The following PKD1L1 variants were observed in gnomAD, a reference collection of about 807,000 sequenced individuals.
PKD1L1 encodes polycystin-1-like protein 1.
Under a neutral mutation model 323.4 loss-of-function variants are expected in PKD1L1, and 236 were observed. The observed-to-expected ratio is 0.73, with a 90% CI of 0.66 to 0.81. The LOEUF (loss-of-function observed/expected upper bound fraction) is 0.81, where lower values mean the gene tolerates loss of function less well. Ranked by LOEUF, PKD1L1 falls within the 40% of genes least tolerant of loss-of-function variation. The pLI is 0.00. For missense variants in PKD1L1, 3,320 were observed against 3,508.0 expected (o/e 0.95, Z 1.35); for synonymous variants, 1,344 against 1,335.0 (o/e 1.01, Z -0.15).
chr7:47,901,197 G>A (rs538655107), intron 13 of PKD1L1, among the ~76,000 whole-genome samples: 3 of 151,838 alleles, frequency 2.0e-5, no homozygotes, highest in African/African-American at 4.8e-5. Context: ...AATTAGCTAC[G>A]CATGGTGGTG....
chr7:47,781,628 C>T (rs1382143384), intron 56 of PKD1L1, among the ~76,000 whole-genome samples: 1 of 151,822 alleles, frequency 6.6e-6, no homozygotes. Context: ...CCAGGATGGT[C>T]TCGATTTCCT....
chr7:47,960,796 T>C, the PKD1L1 span, among the ~76,000 whole-genome samples: 1 of 150,704 alleles, frequency 6.6e-6, no homozygotes. Context: ...CACTAATCAT[T>C]AAGAAAATGA....
At chr7:47,802,285 C>T (rs1466114594) in intron 53 of PKD1L1, among the ~76,000 whole-genome samples, 1 of 151,552 alleles carries the variant, frequency 6.6e-6, no homozygotes, top group African/African-American at 2.4e-5. Context: ...TGCATATAAT[C>T]TCAAAGGCCA....
At chr7:47,834,657 T>C (rs1048747289) in intron 39 of PKD1L1, among the ~76,000 whole-genome samples, 1 of 152,002 alleles carries the variant, frequency 6.6e-6, no homozygotes, top group Non-Finnish European at 1.5e-5. Context: ...ATTAATAAAA[T>C]AAATGGCACT....
chr7:47,890,248 A>G (rs4427076), intron 16 of PKD1L1, among the ~76,000 whole-genome samples: 6,991 of 152,220 alleles, frequency 0.046, 386 homozygotes, highest in African/African-American at 0.14. Flanking sequence ...CCGATCTTTC[A>G]GGCAGGTGCT....
At chr7:47,779,472 C>A (rs1786641625) in intron 56 of PKD1L1, among the ~76,000 whole-genome samples, 1 of 152,198 alleles carries the variant, frequency 6.6e-6, no homozygotes, top group South Asian at 2.1e-4. Context: ...ATAACTCAGG[C>A]TCAGCTCCTG....
chr7:47,836,854 T>C, intron 37 of PKD1L1, 67 bp downstream of exon 37: 1 of 1,514,678 alleles, frequency 6.6e-7, no homozygotes, highest in Non-Finnish European at 9.0e-7. Context: ...GTTGATTTCT[T>C]AGGCAAAAAG....
chr7:47,929,308 G>T lies in PKD1L1; in HGVS notation c.956C>A (p.Ala319Asp), dbSNP rs548298731. The change falls in exon 7 of 57, where the codon GCT becomes GAT. Residue 319 changes from alanine to aspartate, a missense_variant. Ala to Asp is a moderately radical substitution (Grantham distance 126). Coordinates refer to ENST00000289672, the MANE Select transcript of PKD1L1 (RefSeq NM_138295.5). Reference protein sequence around the residue: ...GFRVHMASGEALCLMMDFGDS... With the variant: ...GFRVHMASGEDLCLMMDFGDS... ...CCCGAAATCCATCATCAGACAGAGA[G>T]CCTCTCCAGAAGCCATATGAACACG... 4 of 1,614,164 alleles carry T rather than the reference G, an allele frequency of 2.5e-6. No individual in the cohort carries two copies. The East Asian group carries it at 8.9e-5, about 36-fold the overall frequency.
rs530717295 is a variant in PKD1L1, at chr7:47,793,248, C to T, written c.8356-451G>A. ...TACCGTGATTACATATGACTGCCTT[C>T]AGAACCTTACTGGATGATGCTTAAA... On this transcript the variant is annotated intron_variant, in intron 55 of 56. Coordinates refer to ENST00000289672, the MANE Select transcript of PKD1L1 (RefSeq NM_138295.5). Among the ~76,000 whole-genome samples the T allele has an allele frequency of 3.3e-5, 5 of 152,262 alleles. No homozygotes were observed. The East Asian group carries it at 9.7e-4, about 29-fold the overall frequency.
At chr7:47,781,757 G>A (rs915355222) in intron 56 of PKD1L1, among the ~76,000 whole-genome samples, 1 of 151,820 alleles carries the variant, frequency 6.6e-6, no homozygotes, top group Non-Finnish European at 1.5e-5. Flanking sequence ...ATTTTCTCCT[G>A]TTTTTTTCTC....
intron 30 of PKD1L1, among the ~76,000 whole-genome samples, chr7:47,853,902 C>T (rs545486856): frequency 6.6e-6 from 1 of 152,160 alleles, no homozygotes; most frequent in South Asian, 2.1e-4. Flanking sequence ...ACTGCAGCAC[C>T]CACACGTATG....
intron 31 of PKD1L1, among the ~76,000 whole-genome samples, chr7:47,848,764 C>T (rs1210654843): frequency 6.6e-6 from 1 of 152,144 alleles, no homozygotes; most frequent in Non-Finnish European, 1.5e-5. Context: ...AAGATCGTGC[C>T]ATTGGACTCC....
At position 47,905,174 on chromosome 7, in the gene PKD1L1, T is replaced by A. The variant is rs1787176398; in HGVS notation, c.1674A>T (p.Arg558Ser). 1 of 1,613,794 alleles carries A rather than the reference T, an allele frequency of 6.2e-7. No individual in the cohort carries two copies. Among genetic ancestry groups the A allele is most frequent in the South Asian group, 1.1e-5 (1 of 91,038 alleles). The change falls in exon 11 of 57, where the codon AGA (arginine) becomes AGT (serine). Residue 558 changes from arginine (R) to serine (S), a missense_variant. Physicochemically the swap from Arg to Ser is moderately radical, Grantham distance 110. Coordinates refer to ENST00000289672, the MANE Select transcript of PKD1L1 (RefSeq NM_138295.5). ...TTACTGACCATTGGGGGATGCTGAGTCTTTTTTTAATGCTTCTTGAAGTTG... is the reference window on the plus strand; with the variant it reads ...TTACTGACCATTGGGGGATGCTGAGACTTTTTTTAATGCTTCTTGAAGTTG... ...VRTTSRSIKK[R>S]LSIPQWYRVM...
At chr7:47,865,339 T>C (rs1201058705) in intron 25 of PKD1L1, 67 bp from the exon 26 acceptor site, 6 of 1,415,526 alleles carry the variant, frequency 4.2e-6, no homozygotes, top group Middle Eastern at 3.5e-4. Flanking sequence ...CTTGTTTGGG[T>C]TAAAGTTACA....
rs1281547297 is a variant in PKD1L1, at chr7:47,829,891, C to G, written c.6558+149G>C. 3 of 825,912 alleles carry G rather than the reference C, an allele frequency of 3.6e-6. No homozygotes were observed. In the African/African-American group the frequency reaches 5.2e-5, roughly 14 times the overall value. 51.2% of individuals were successfully genotyped at this position (825,912 alleles called of 1,614,324 possible). ...GAACAGGCCCATGTGCAGCTTAGCA[C>G]AGAGCCTGGCTCCTGGTTCTCTCCA... On this transcript the variant is annotated intron_variant, in intron 43 of 56. Coordinates refer to ENST00000289672, the MANE Select transcript of PKD1L1 (RefSeq NM_138295.5).
chr7:47,817,310 A>G (rs1412046103), intron 46 of PKD1L1, among the ~76,000 whole-genome samples: 1 of 152,182 alleles, frequency 6.6e-6, no homozygotes, highest in East Asian at 1.9e-4. Context: ...GCTATAAATC[A>G]GTGCTTTTGT....
chr7:47,864,042 C>G (rs1371925685), intron 26 of PKD1L1, among the ~76,000 whole-genome samples: 1 of 151,954 alleles, frequency 6.6e-6, no homozygotes, highest in Non-Finnish European at 1.5e-5. Flanking sequence ...CAGGATCATT[C>G]AGAAGAAAGA....
chr7:47,885,806 C>G lies in PKD1L1; in HGVS notation c.3085G>C (p.Gly1029Arg), dbSNP rs930717605. Reference protein sequence around the residue: ...IPPAGDSAVLGEAPEEGSLDL... With the variant: ...IPPAGDSAVLREAPEEGSLDL... ...AGTGAACCTTCCTCTGGAGCCTCCC[C>G]CAGGACTGCAGAGTCCCCCGCAGGA... is the stretch of plus-strand genomic sequence containing the variant. Residue 1029 changes from glycine (G) to arginine (R), a missense_variant, in exon 18 of 57, where the codon GGG becomes CGG. Transcript: ENST00000289672. The G allele has an allele frequency of 1.9e-6, 3 of 1,614,216 alleles. No individual in the cohort carries two copies. In the Admixed American group the frequency reaches 5.0e-5, roughly 27 times the overall value.
intron 40 of PKD1L1, 128 bp downstream of exon 40, chr7:47,834,211 C>T: frequency 1.1e-6 from 1 of 939,988 alleles, no homozygotes; most frequent in Non-Finnish European, 1.6e-6. Context: ...TGATCTTTTC[C>T]TGTGTCCGTC....
Sources: allele counts gnomAD v4.1 joint callset (sites outside exome capture counted in the v4.1 genomes callset), GRCh38; gene constraint gnomAD v4.1.1; transcripts MANE v1.5; gene names NCBI Gene and HGNC (gene_info 2026-07-23, HGNC 2026-07-21).